Variants in SUSD4 observed in about 807,000 individuals in gnomAD.
SUSD4 encodes the protein sushi domain-containing protein 4.
A neutral mutation model predicts 50.5 loss-of-function variants in SUSD4; 41 were observed. That is an observed-to-expected ratio of 0.81 (90% confidence interval 0.63 to 1.05). The LOEUF is 1.05. SUSD4 is among the 50% of genes least tolerant of loss of function. The pLI, the probability that SUSD4 is intolerant of heterozygous loss-of-function variation, is 0.00. For synonymous variants in SUSD4, 257 were observed against 257.3 expected, an observed-to-expected ratio of 1.00 and a Z score of 0.01; for missense variants, 580 against 634.7, an observed-to-expected ratio of 0.91 and a Z score of 0.93.
At chr1:223,234,996 C>A (rs201332872) in intron 5 of SUSD4, 1 of 1,607,278 alleles carries the variant, frequency 6.2e-7, no homozygotes, top group Non-Finnish European at 8.5e-7. Flanking sequence ...CAGGTAGGTG[C>A]TGGGGTGGGA....
Position 223,284,974 on chromosome 1 carries a change from AATAT to A in SUSD4, c.361+7461_361+7464del, listed in dbSNP as rs376611053. ...CTGTAAAATAACTACGGTCAACAAT[AATAT>A]ATTACAGAGTTTCAAATCATAAGAA... On this transcript the variant is annotated intron_variant, in intron 3 of 8. Coordinates refer to ENST00000366878, the MANE Select transcript of SUSD4 (RefSeq NM_017982.4). 1.8e-3 allele frequency among the ~76,000 whole-genome samples: 268 copies of A among 152,278 alleles called. 2 individuals carry two copies. The highest frequency in any genetic ancestry group is 6.3e-3 in the African/African-American group (260 of 41,554).
intron 5 of SUSD4, among the ~76,000 whole-genome samples, chr1:223,248,646 G>T (rs1402518291): frequency 6.8e-6 from 1 of 146,270 alleles, no homozygotes; most frequent in Non-Finnish European, 1.5e-5. Context: ...ATGATCATGA[G>T]GCTGGGGCTT....
chr1:223,353,191 G>A (rs1027298495), intron 2 of SUSD4, among the ~76,000 whole-genome samples: 2 of 152,148 alleles, frequency 1.3e-5, no homozygotes, highest in Admixed American at 6.5e-5. Context: ...CCATTTTGCA[G>A]CAAAACAGCT....
Position 223,227,711 on chromosome 1 carries a change from G to T in SUSD4, c.944C>A (p.Thr315Asn), listed in dbSNP as rs1221112943. 1 of 1,613,078 alleles carries T rather than the reference G, an allele frequency of 6.2e-7. No homozygotes were observed. The highest frequency in any genetic ancestry group is 1.7e-5 in the Admixed American group (1 of 59,896). ...SEQTWPSTHETLLTTWKIVAF... is the reference protein window; with the variant it reads ...SEQTWPSTHENLLTTWKIVAF... ...CACAATCTTCCACGTGGTCAGGAGGGTCTCATGGGTGCTGGGCCACGTTTG... is the reference window on the plus strand; with the variant it reads ...CACAATCTTCCACGTGGTCAGGAGGTTCTCATGGGTGCTGGGCCACGTTTG... Residue 315 changes from threonine (T) to asparagine (N), a missense_variant, in exon 7 of 9, where the codon ACC (threonine) becomes AAC (asparagine). By Grantham distance (65) the Thr-to-Asn change is moderately conservative. Transcript: ENST00000366878. The surrounding 1 kb of genome is among the most constrained non-coding windows in gnomAD (Gnocchi z 4.5).
At chr1:223,292,293 C>G in intron 3 of SUSD4, 146 bp downstream of exon 3, 1 of 786,278 alleles carries the variant, frequency 1.3e-6, no homozygotes, top group Admixed American at 2.4e-5. Flanking sequence ...CCTCATTACC[C>G]ACTCCTGCTT....
chr1:223,319,890 G>C (rs934169877), intron 2 of SUSD4, among the ~76,000 whole-genome samples: 3 of 152,216 alleles, frequency 2.0e-5, no homozygotes, highest in Non-Finnish European at 2.9e-5. Context: ...GAAAAGGCAA[G>C]GGCTCGAAGC....
At chr1:223,276,829 G>A (rs890097552) in intron 3 of SUSD4, among the ~76,000 whole-genome samples, 1 of 152,102 alleles carries the variant, frequency 6.6e-6, no homozygotes, top group Non-Finnish European at 1.5e-5. Context: ...TTGCCCTTGT[G>A]GGCACAGGCT....
At chr1:223,364,524 T>C (rs1420180805), upstream of SUSD4, among the ~76,000 whole-genome samples, 1 of 149,486 alleles carries the variant, frequency 6.7e-6, no homozygotes, top group African/African-American at 2.4e-5. The surrounding 1 kb of genome is among the most constrained non-coding windows in gnomAD (Gnocchi z 4.5). Flanking sequence ...CGCCTGCACC[T>C]GTCGGGGCGC....
intron 3 of SUSD4, 47 bp downstream of exon 3, chr1:223,292,392 C>T: frequency 1.2e-6 from 2 of 1,607,518 alleles, no homozygotes; most frequent in Non-Finnish European, 1.7e-6. Flanking sequence ...TGTGGCCATG[C>T]AACTTGAACC....
chr1:223,317,854 T>TC (rs1476816126), intron 2 of SUSD4, among the ~76,000 whole-genome samples: 83 of 139,840 alleles, frequency 5.9e-4, no homozygotes, highest in African/African-American at 2.0e-3. Flanking sequence ...TTTTTTTCTT[T>TC]TTTTTTTTTT....
At chr1:223,247,667 A>G (rs982928178) in intron 5 of SUSD4, among the ~76,000 whole-genome samples, 1 of 152,176 alleles carries the variant, frequency 6.6e-6, no homozygotes, top group African/African-American at 2.4e-5. Context: ...TTAGTGCTGC[A>G]TTTGAAGAGT....
intron 1 of SUSD4, 128 bp downstream of exon 1, chr1:223,363,929 T>A (rs1226282514): frequency 6.6e-6 from 1 of 151,614 alleles, no homozygotes; most frequent in African/African-American, 2.4e-5. Flanking sequence ...CCCAGTGAGA[T>A]TTCTCTGCGC....
At chr1:223,253,093 CAAAAAAA>C (rs111573775) in intron 5 of SUSD4, among the ~76,000 whole-genome samples, 7 of 118,586 alleles carry the variant, frequency 5.9e-5, no homozygotes, top group African/African-American at 2.2e-4. Flanking sequence ...GCTCCGTTTC[CAAAAAAA>C]AAAAAGAAAA....
intron 3 of SUSD4, among the ~76,000 whole-genome samples, chr1:223,271,090 C>T (rs901584844): frequency 2.6e-5 from 4 of 152,082 alleles, no homozygotes; most frequent in African/African-American, 4.8e-5. Context: ...TCAAGGCATC[C>T]GTCTGTAAAA....
chr1:223,232,733 C>A (rs1298532069), intron 5 of SUSD4, among the ~76,000 whole-genome samples: 1 of 152,152 alleles, frequency 6.6e-6, no homozygotes, highest in African/African-American at 2.4e-5. Context: ...GCAGGCAGCA[C>A]GGAGTGGCAT....
At chr1:223,253,926 G>A (rs1268067376) in intron 5 of SUSD4, among the ~76,000 whole-genome samples, 1 of 152,194 alleles carries the variant, frequency 6.6e-6, no homozygotes, top group Non-Finnish European at 1.5e-5. Context: ...ACTTCCTTCA[G>A]TAACCTGACA....
At position 223,263,743 on chromosome 1, in the gene SUSD4, C is replaced by T. The variant is rs1021595214; in HGVS notation, c.724+887G>A. The T allele has an allele frequency of 5.4e-5, 53 of 985,316 alleles. No individual in the cohort carries two copies. The Admixed American group carries it at 9.2e-4, about 17-fold the overall frequency. 61.0% of individuals were successfully genotyped at this position (985,316 alleles called of 1,614,324 possible). A position where few individuals can be genotyped will look rare whatever the true frequency, so the allele number is the denominator to read the frequency against. ...GACACACGTCCTACCCTGACTTCCT[C>T]CCACACAGAGGTGCACACTTGTAGA... is the stretch of plus-strand genomic sequence containing the variant. On this transcript the variant is annotated intron_variant, in intron 5 of 8. Coordinates refer to ENST00000366878, the MANE Select transcript of SUSD4 (RefSeq NM_017982.4).
chr1:223,333,337 C>G (rs949472293), intron 2 of SUSD4, among the ~76,000 whole-genome samples: 36 of 152,054 alleles, frequency 2.4e-4, no homozygotes, highest in Admixed American at 8.5e-4. Context: ...CTATCAGCAC[C>G]TCCTGAGAGC....
chr1:223,226,373 C>A (rs1659515903), intron 7 of SUSD4, among the ~76,000 whole-genome samples: 1 of 152,200 alleles, frequency 6.6e-6, no homozygotes, highest in African/African-American at 2.4e-5. Context: ...GCAGGTGACA[C>A]CCACATCTAG....
Sources: allele counts gnomAD v4.1 joint callset (sites outside exome capture counted in the v4.1 genomes callset), GRCh38; gene constraint gnomAD v4.1.1; non-coding constraint Gnocchi (gnomAD v3.1); transcripts MANE v1.5; gene names NCBI Gene and HGNC (gene_info 2026-07-23, HGNC 2026-07-21).